GIGYF2: variants seen among roughly 807,000 people sequenced by gnomAD.
The protein encoded by GIGYF2 is GRB10-interacting GYF protein 2.
GIGYF2 carries 25 observed loss-of-function variants against 208.1 expected under a neutral mutation model. The observed-to-expected ratio is 0.12, with a 90% CI of 0.09 to 0.17. GIGYF2 has a LOEUF of 0.17. GIGYF2 is among the 10% of genes least tolerant of loss of function. The pLI is 1.00. For synonymous variants in GIGYF2, 534 were observed against 543.8 expected (o/e 0.98, Z 0.25); for missense variants, 1,302 against 1,579.4 (o/e 0.82, Z 2.98).
At position 232,730,421 on chromosome 2, in the gene GIGYF2, A is replaced by G. The variant is rs1348077784; in HGVS notation, c.-43-4734A>G. ...GGAGTTCGAGACCAGCCTGGCCAACATGGTGAAACCCCGTCTCTACTGAAA... is the reference window on the plus strand; with the variant it reads ...GGAGTTCGAGACCAGCCTGGCCAACGTGGTGAAACCCCGTCTCTACTGAAA... On this transcript the variant is annotated intron_variant, in intron 2 of 28. Coordinates refer to ENST00000373563, the MANE Select transcript of GIGYF2 (RefSeq NM_001103146.3). 3.3e-5 allele frequency among the ~76,000 whole-genome samples: 5 copies of G among 150,700 alleles called. No individual in the cohort carries two copies. The East Asian group carries it at 9.9e-4, about 30-fold the overall frequency.
intron 14 of GIGYF2, among the ~76,000 whole-genome samples, chr2:232,797,268 A>G (rs759326417): frequency 2.8e-4 from 43 of 152,106 alleles, no homozygotes; most frequent in Non-Finnish European, 5.9e-4. Context: ...TTTGAAATCT[A>G]TCCTGTTACC....
Position 232,762,770 on chromosome 2 carries a change from G to A in GIGYF2, c.532+1334G>A, listed in dbSNP as rs937103882. Among the ~76,000 whole-genome samples the A allele has an allele frequency of 1.6e-4, 24 of 152,146 alleles. 1 individual carries two copies. Among genetic ancestry groups the A allele is most frequent in the Non-Finnish European group, 1.3e-4 (9 of 68,028 alleles). On this transcript the variant is annotated intron_variant, in intron 8 of 28. Transcript: ENST00000373563. ...TTAATGAAAACCGTTAAGGCCAGGTGTGGTAGCTCATGCCTATAATCCCAG... is the reference window on the plus strand; with the variant it reads ...TTAATGAAAACCGTTAAGGCCAGGTATGGTAGCTCATGCCTATAATCCCAG...
At chr2:232,856,228 G>A (rs116019775) in intron 28 of GIGYF2, among the ~76,000 whole-genome samples, 1,832 of 151,980 alleles carry the variant, frequency 0.012, 44 homozygotes, top group African/African-American at 0.042. Flanking sequence ...CACCACACCC[G>A]GCCTGCAGTT....
Position 232,856,799 on chromosome 2 carries a change from C to G in GIGYF2, c.3839C>G (p.Ser1280Ter). Residue 1280 changes from serine to a stop codon, truncating the protein, a stop_gained, in exon 29 of 29, where the codon TCA becomes TGA. Transcript: ENST00000373563. LOFTEE classifies it high-confidence loss of function. Reference protein sequence around the residue: ...VRADPSLLGFSVNASSERLNM... With the variant: ...VRADPSLLGF ...GCCAGTTTTTTTTCTGCAGGATTTT[C>G]AGTCAATGCATCATCGGAGCGACTC... 1 of 1,612,066 alleles carries G rather than the reference C, an allele frequency of 6.2e-7. No homozygotes were observed.
chr2:232,806,384 T>G lies in GIGYF2; in HGVS notation c.1640-107T>G. On this transcript the variant is annotated intron_variant, in intron 14 of 28. Transcript: ENST00000373563. This position sits in a 1 kb window ranked among gnomAD's most constrained non-coding sequence, Gnocchi z 4.0. ...GAATTAAATTAGATAGTATAAAACA[T>G]TTTGACAGATGCCACCTCGATGAGA... The G allele has an allele frequency of 1.2e-6, 1 of 831,180 alleles. No individual in the cohort carries two copies. The highest frequency in any genetic ancestry group is 2.1e-6 in the Non-Finnish European group (1 of 470,700). 51.5% of individuals were successfully genotyped at this position (831,180 alleles called of 1,614,324 possible).
At chr2:232,720,171 A>C (rs1316621868) in intron 2 of GIGYF2, among the ~76,000 whole-genome samples, 1 of 151,982 alleles carries the variant, frequency 6.6e-6, no homozygotes, top group African/African-American at 2.4e-5. Flanking sequence ...TTCAATTCCC[A>C]CCTGTAAGTG....
chr2:232,753,387 G>A (rs1317672929), intron 5 of GIGYF2, among the ~76,000 whole-genome samples: 2 of 152,114 alleles, frequency 1.3e-5, no homozygotes, highest in Admixed American at 6.5e-5. Context: ...GCCTCCCAAA[G>A]TGATGGGATT....
At chr2:232,818,189 A>T (rs1037706022) in intron 20 of GIGYF2, among the ~76,000 whole-genome samples, 11 of 152,148 alleles carry the variant, frequency 7.2e-5, no homozygotes, top group Non-Finnish European at 1.3e-4. Flanking sequence ...AATGTACTTT[A>T]AAAAAGTATC....
chr2:232,768,639 C>G, intron 8 of GIGYF2: 2 of 1,614,126 alleles, frequency 1.2e-6, no homozygotes, highest in South Asian at 1.1e-5. Context: ...GCCATTTTCT[C>G]TTTCCTGATA....
intron 14 of GIGYF2, among the ~76,000 whole-genome samples, chr2:232,797,551 A>C (rs375329603): frequency 6.7e-6 from 1 of 148,606 alleles, no homozygotes; most frequent in Non-Finnish European, 1.5e-5. Context: ...TTTTGGGATA[A>C]TCATAGCTAT....
rs116208043 is a variant in GIGYF2, at chr2:232,724,991, A to G, written c.-43-10164A>G. Among the ~76,000 whole-genome samples, 1,482 of 152,068 alleles carry G rather than the reference A, an allele frequency of 9.7e-3. 27 individuals carry two copies. The highest frequency in any genetic ancestry group is 0.033 in the African/African-American group (1,382 of 41,302). On this transcript the variant is annotated intron_variant, in intron 2 of 28. Transcript: ENST00000373563. The stretch of plus-strand genomic sequence containing the variant: ...CTTAGAAGTATTAACATTTTGGGGC[A>G]TATCTATATATATCCAGTGTATTTT...
chr2:232,841,440 C>T (rs1404513923), intron 23 of GIGYF2, among the ~76,000 whole-genome samples: 1 of 148,320 alleles, frequency 6.7e-6, no homozygotes, highest in Non-Finnish European at 1.5e-5. Context: ...GGATTACAGG[C>T]ACTTGCCACC....
chr2:232,701,768 TG>T (rs1382898339), intron 1 of GIGYF2, among the ~76,000 whole-genome samples: 2 of 152,082 alleles, frequency 1.3e-5, no homozygotes, highest in African/African-American at 4.8e-5. Context: ...GATTTAATTT[TG>T]CAAAAAAAGT....
chr2:232,843,962 T>C lies in GIGYF2; in HGVS notation c.2890-84T>C, dbSNP rs575469744. The C allele has an allele frequency of 3.3e-6, 4 of 1,220,672 alleles. No homozygotes were observed. The East Asian group carries it at 7.0e-5, about 21-fold the overall frequency. 75.6% of individuals were successfully genotyped at this position (1,220,672 alleles called of 1,614,324 possible). A position where few individuals can be genotyped will look rare whatever the true frequency, so the allele number is the denominator to read the frequency against. On this transcript the variant is annotated intron_variant, in intron 23 of 28. Coordinates refer to ENST00000373563, the MANE Select transcript of GIGYF2 (RefSeq NM_001103146.3). ...TTAATTTTATGTAGCTACTGTGTAT[T>C]TACATTCCATTTAGTATACTGGATA...
intron 2 of GIGYF2, among the ~76,000 whole-genome samples, chr2:232,726,609 GT>G (rs1470475235): frequency 6.6e-6 from 1 of 151,920 alleles, no homozygotes; most frequent in Non-Finnish European, 1.5e-5. Flanking sequence ...AAATAAGAGA[GT>G]TTTTTGTTTT....
Position 232,791,327 on chromosome 2 carries a change from C to G in GIGYF2, c.1163C>G (p.Ser388Cys), listed in dbSNP as rs917416337. ...ARPGTPSDHQSQEASQFERKD... is the reference protein window; with the variant it reads ...ARPGTPSDHQCQEASQFERKD... ...CCAGGTACTCCTTCAGACCATCAGT[C>G]TCAGGAAGCATCACAGTTTGAGAGG... The change falls in exon 12 of 29, where the codon TCT becomes TGT. Residue 388 changes from serine to cysteine, a missense_variant. Around this residue, in one of 8 missense-constraint regions of GIGYF2, gnomAD observed 235 missense variants for 218.8 expected, o/e 1.07. Transcript: ENST00000373563. 1.2e-6 allele frequency: 2 copies of G among 1,613,936 alleles called. No individual in the cohort carries two copies. Among genetic ancestry groups the G allele is most frequent in the Non-Finnish European group, 1.7e-6 (2 of 1,179,862 alleles).
At chr2:232,820,516 G>T (rs953092975) in intron 21 of GIGYF2, among the ~76,000 whole-genome samples, 1 of 151,786 alleles carries the variant, frequency 6.6e-6, no homozygotes, top group Non-Finnish European at 1.5e-5. Context: ...GGGTTTCATT[G>T]TGTTAGCCAG....
chr2:232,719,605 A>G (rs1279623116), intron 2 of GIGYF2, among the ~76,000 whole-genome samples: 1 of 152,216 alleles, frequency 6.6e-6, no homozygotes, highest in African/African-American at 2.4e-5. Context: ...GAGGAGATGA[A>G]TAGTTAAAAT....
At chr2:232,840,328 A>C (rs1240619764) in intron 23 of GIGYF2, among the ~76,000 whole-genome samples, 1 of 152,232 alleles carries the variant, frequency 6.6e-6, no homozygotes, top group Non-Finnish European at 1.5e-5. Context: ...TTTTCTCTAA[A>C]GACACTGGGT....
Sources: gnomAD v4.1 joint callset for allele counts (sites outside exome capture counted in the v4.1 genomes callset) on GRCh38, gnomAD v4.1.1 for gene constraint, gnomAD v4.1.1 regional missense constraint, Gnocchi (gnomAD v3.1) non-coding constraint, MANE v1.5 for transcripts, NCBI Gene and HGNC (gene_info 2026-07-23, HGNC 2026-07-21) for gene names.